The following GAS7 variants were observed in gnomAD, a reference collection of about 807,000 sequenced individuals.
The protein encoded by GAS7 is growth arrest-specific protein 7.
A neutral mutation model predicts 71.1 loss-of-function variants in GAS7; 28 were observed. The ratio of observed to expected loss-of-function variants is 0.39; its 90% confidence interval spans 0.29 to 0.54. The LOEUF (loss-of-function observed/expected upper bound fraction) is 0.54. Ranked by LOEUF, GAS7 falls within the 20% of genes least tolerant of loss-of-function variation. The pLI is 0.62. For missense variants in GAS7, 436 were observed against 627.8 expected (o/e 0.69, Z 3.27); for synonymous variants, 258 against 245.8 (o/e 1.05, Z -0.46).
chr17:10,190,893 A>G (rs1450458050), intron 1 of GAS7, among the ~76,000 whole-genome samples: 3 of 152,044 alleles, frequency 2.0e-5, no homozygotes, highest in African/African-American at 7.2e-5. Context: ...TACAAACCTA[A>G]GAACAGGCAC....
At chr17:10,084,641 A>G (rs976450189) in intron 1 of GAS7, among the ~76,000 whole-genome samples, 1 of 152,024 alleles carries the variant, frequency 6.6e-6, no homozygotes, top group African/African-American at 2.4e-5. Flanking sequence ...TAATATTTGT[A>G]TTTTTAGTAG....
At chr17:10,161,942 C>T (rs1394198066) in intron 1 of GAS7, among the ~76,000 whole-genome samples, 1 of 151,958 alleles carries the variant, frequency 6.6e-6, no homozygotes, top group Admixed American at 6.6e-5. Flanking sequence ...TGGCGGGCGC[C>T]TGTATTTCCA....
chr17:10,121,643 C>T (rs540320075), intron 1 of GAS7, among the ~76,000 whole-genome samples: 2 of 152,310 alleles, frequency 1.3e-5, no homozygotes, highest in South Asian at 2.1e-4. Context: ...TTATTAAATG[C>T]TCCTGAATCG....
At chr17:10,005,171 A>G (rs377245905) in intron 2 of GAS7, among the ~76,000 whole-genome samples, 34,512 of 150,620 alleles carry the variant, frequency 0.23, 6,435 homozygotes, top group African/African-American at 0.52. Flanking sequence ...GTGCGCACGC[A>G]TGCATGTATG....
intron 1 of GAS7, among the ~76,000 whole-genome samples, chr17:10,025,801 C>G (rs955407878): frequency 2.0e-5 from 3 of 152,152 alleles, no homozygotes; most frequent in African/African-American, 7.2e-5. Context: ...GTCCTGTGCT[C>G]TAAAGCCACT....
intron 2 of GAS7, among the ~76,000 whole-genome samples, chr17:9,996,724 C>A (rs966574426): frequency 2.0e-5 from 3 of 151,696 alleles, no homozygotes; most frequent in African/African-American, 7.3e-5. Flanking sequence ...CTGCAACCTC[C>A]GCCTCCCAGG....
At chr17:9,953,385 C>T (rs923838760) in intron 5 of GAS7, among the ~76,000 whole-genome samples, 2 of 152,210 alleles carry the variant, frequency 1.3e-5, no homozygotes, top group Non-Finnish European at 2.9e-5. Context: ...TGTCTCTGTC[C>T]TCTCTCATTT....
At position 10,027,218 on chromosome 17, in the gene GAS7, A is replaced by G. The variant is rs2072486075; in HGVS notation, c.184-7321T>C. On this transcript the variant is annotated intron_variant, in intron 1 of 13. Transcript: ENST00000432992. ...CAGCTTTAATCTCAGCACAGTGCCC[A>G]GAACAATGAATGAATGAATGAATGA... 4 of 146,040 alleles carry G rather than the reference A, an allele frequency of 2.7e-5. No homozygotes were observed. In the South Asian group the frequency reaches 8.7e-4, roughly 32 times the overall value. 9.0% of individuals were successfully genotyped at this position (146,040 alleles called of 1,614,324 possible). A position where few individuals can be genotyped will look rare whatever the true frequency, so the allele number is the denominator to read the frequency against.
intron 1 of GAS7, among the ~76,000 whole-genome samples, chr17:10,062,485 A>AAAAAT (rs2073230728): frequency 6.6e-6 from 1 of 152,186 alleles, no homozygotes. Flanking sequence ...ACTCTGTCTC[A>AAAAAT]AAAATAAAAT....
intron 3 of GAS7, among the ~76,000 whole-genome samples, chr17:9,980,122 G>T (rs1157894645): frequency 6.6e-6 from 1 of 151,980 alleles, no homozygotes; most frequent in Non-Finnish European, 1.5e-5. Context: ...AATAATTTTT[G>T]ATAGAAAACA....
chr17:10,094,149 C>T (rs1379805181), intron 1 of GAS7, among the ~76,000 whole-genome samples: 1 of 152,240 alleles, frequency 6.6e-6, no homozygotes, highest in East Asian at 1.9e-4. Flanking sequence ...AATCGCTAAC[C>T]TAAGGCAAAG....
intron 2 of GAS7, among the ~76,000 whole-genome samples, chr17:9,998,864 C>T (rs761717952): frequency 6.6e-6 from 1 of 152,092 alleles, no homozygotes; most frequent in Non-Finnish European, 1.5e-5. Flanking sequence ...TTAGTATGAG[C>T]GGGTTTCTAG....
intron 1 of GAS7, among the ~76,000 whole-genome samples, chr17:10,187,929 T>A (rs1442500759): frequency 6.6e-6 from 1 of 152,240 alleles, no homozygotes; most frequent in African/African-American, 2.4e-5. Context: ...TGAACTATGC[T>A]AGCTCCACAA....
chr17:10,106,395 A>G (rs530096307), intron 1 of GAS7, among the ~76,000 whole-genome samples: 1 of 152,348 alleles, frequency 6.6e-6, no homozygotes, highest in Non-Finnish European at 1.5e-5. Flanking sequence ...GTGCAGGCAC[A>G]CAGATAATCC....
intron 2 of GAS7, among the ~76,000 whole-genome samples, chr17:10,014,007 A>G (rs1032394129): frequency 1.3e-5 from 2 of 152,182 alleles, no homozygotes; most frequent in Non-Finnish European, 2.9e-5. Flanking sequence ...ATGTACCCAC[A>G]TGGCTCACCA....
chr17:10,113,845 A>G (rs1475004263), intron 1 of GAS7, among the ~76,000 whole-genome samples: 1 of 152,198 alleles, frequency 6.6e-6, no homozygotes, highest in Non-Finnish European at 1.5e-5. Context: ...ACCTGAGCAT[A>G]TATTACCTAT....
chr17:9,964,624 T>C (rs535379469), intron 4 of GAS7, among the ~76,000 whole-genome samples: 1 of 152,208 alleles, frequency 6.6e-6, no homozygotes, highest in African/African-American at 2.4e-5. Flanking sequence ...ATTCCAGTCT[T>C]AGAATAGGTA....
intron 1 of GAS7, among the ~76,000 whole-genome samples, chr17:10,078,080 T>TG (rs1555531361): frequency 0.23 from 29,770 of 132,280 alleles, 3,128 homozygotes; most frequent in Non-Finnish European, 0.25. Context: ...TGTGTGTGTG[T>TG]TTTGTTTTGT....
At chr17:9,932,194 CTTTT>C (rs34286699) in intron 9 of GAS7, among the ~76,000 whole-genome samples, 8 of 116,152 alleles carry the variant, frequency 6.9e-5, no homozygotes, top group African/African-American at 1.9e-4. Flanking sequence ...GTCCCCCCCG[CTTTT>C]TTTTTTTTTT....
Sources: allele counts gnomAD v4.1 joint callset (sites outside exome capture counted in the v4.1 genomes callset), GRCh38; gene constraint gnomAD v4.1.1; transcripts MANE v1.5; gene names NCBI Gene and HGNC (gene_info 2026-07-23, HGNC 2026-07-21).